Variants in SMARCC1 observed in about 807,000 individuals in gnomAD.
The protein encoded by SMARCC1 is SWI/SNF complex subunit SMARCC1.
A neutral mutation model predicts 147.4 loss-of-function variants in SMARCC1; 43 were observed. The observed-to-expected ratio is 0.29, with a 90% CI of 0.23 to 0.38. The LOEUF (loss-of-function observed/expected upper bound fraction) is 0.38, where lower values mean the gene tolerates loss of function less well. Ranked by LOEUF, SMARCC1 falls within the 10% of genes least tolerant of loss-of-function variation. The pLI is 1.00. For missense variants in SMARCC1, 1,119 were observed against 1,381.1 expected (o/e 0.81, Z 3.01); for synonymous variants, 495 against 484.4 (o/e 1.02, Z -0.29).
intron 24 of SMARCC1, among the ~76,000 whole-genome samples, chr3:47,628,985 T>C (rs1317870527): frequency 1.3e-5 from 2 of 152,074 alleles, no homozygotes; most frequent in Admixed American, 6.6e-5. Flanking sequence ...AATTTTTTAA[T>C]GGAAAAGGAA....
Position 47,635,844 on chromosome 3 carries a change from T to C in SMARCC1, c.2491+178A>G, listed in dbSNP as rs547261650. On this transcript the variant is annotated intron_variant, in intron 23 of 27. Coordinates refer to ENST00000254480, the MANE Select transcript of SMARCC1 (RefSeq NM_003074.4). ...TACATATTAAAAGCACAGAAAAAAG[T>C]GTAGCCACCAGCATTAGTATTAGCA... Among the ~76,000 whole-genome samples the C allele has an allele frequency of 4.0e-4, 61 of 152,334 alleles. 1 individual carries two copies. The Middle Eastern group carries it at 0.017, about 42-fold the overall frequency.
chr3:47,771,975 G>A lies in SMARCC1; in HGVS notation c.315+842C>T, dbSNP rs772706592. On this transcript the variant is annotated intron_variant, in intron 2 of 27. Transcript: ENST00000254480. ...CGCGCACCTGTAATCCTAGCTATTC[G>A]GGAGTCTTGAGGCACAAGAATCGCT... is the stretch of plus-strand genomic sequence containing the variant. Among the ~76,000 whole-genome samples the A allele has an allele frequency of 8.7e-4, 131 of 150,906 alleles. 3 individuals carry two copies. Among genetic ancestry groups the A allele is most frequent in the Admixed American group, 5.3e-4 (8 of 15,076 alleles).
intron 21 of SMARCC1, among the ~76,000 whole-genome samples, chr3:47,645,867 A>G (rs1232683049): frequency 6.6e-6 from 1 of 152,234 alleles, no homozygotes; most frequent in Non-Finnish European, 1.5e-5. Flanking sequence ...AAGTTACATA[A>G]TATTAATATC....
chr3:47,718,138 CAAAAA>C (rs71070217), intron 7 of SMARCC1, among the ~76,000 whole-genome samples: 1 of 53,676 alleles, frequency 1.9e-5, no homozygotes, highest in African/African-American at 8.0e-5. Context: ...GACCTTGTCT[CAAAAA>C]AAAAAAAAAA....
At chr3:47,712,782 A>G (rs1027313472) in intron 8 of SMARCC1, among the ~76,000 whole-genome samples, 2 of 152,156 alleles carry the variant, frequency 1.3e-5, no homozygotes, top group African/African-American at 4.8e-5. Context: ...TCAAAATAAT[A>G]CAAAAGTCCA....
intron 9 of SMARCC1, among the ~76,000 whole-genome samples, chr3:47,708,850 G>C (rs560059046): frequency 1.3e-4 from 20 of 152,028 alleles, no homozygotes; most frequent in Admixed American, 2.6e-4. Flanking sequence ...ACATTGCCCA[G>C]GCTGGTCTCA....
chr3:47,701,706 C>T lies in SMARCC1; in HGVS notation c.1041-304G>A. 2 of 295,830 alleles carry T rather than the reference C, an allele frequency of 6.8e-6. 1 individual carries two copies. The highest frequency in any genetic ancestry group is 7.0e-5 in the South Asian group (2 of 28,380). The allele number at this position is 295,830 out of a possible 1,614,324, so 18.3% of individuals were successfully genotyped here. On this transcript the variant is annotated intron_variant, in intron 10 of 27. Coordinates refer to ENST00000254480, the MANE Select transcript of SMARCC1 (RefSeq NM_003074.4). ...GCAGGCGCCTGTAATCCCATCTGCT[C>T]AGCAGACTGAGGTAGGAGAATCGCT...
intron 11 of SMARCC1, among the ~76,000 whole-genome samples, chr3:47,696,087 G>C (rs1045837308): frequency 7.6e-5 from 11 of 144,086 alleles, no homozygotes; most frequent in Admixed American, 4.8e-4. Flanking sequence ...AGGGGGGGGG[G>C]GGGCCAGGCG....
intron 7 of SMARCC1, among the ~76,000 whole-genome samples, chr3:47,719,013 T>C (rs1031396563): frequency 7.9e-5 from 12 of 152,078 alleles, no homozygotes; most frequent in East Asian, 3.9e-4. Context: ...CCGGGGTTCA[T>C]GCCATTCTCC....
chr3:47,600,495 C>T (rs2032365408), intron 26 of SMARCC1, among the ~76,000 whole-genome samples: 1 of 152,092 alleles, frequency 6.6e-6, no homozygotes, highest in African/African-American at 2.4e-5. Context: ...TGGTAAGGGC[C>T]TAGTTTTGAG....
chr3:47,755,286 AG>A (rs1490827801), intron 2 of SMARCC1, among the ~76,000 whole-genome samples: 1 of 151,356 alleles, frequency 6.6e-6, no homozygotes, highest in Non-Finnish European at 1.5e-5. Flanking sequence ...GCTGATCATG[AG>A]GTTAGGAGAT....
intron 24 of SMARCC1, among the ~76,000 whole-genome samples, chr3:47,631,144 A>G (rs1043065653): frequency 1.3e-5 from 2 of 152,132 alleles, no homozygotes; most frequent in Non-Finnish European, 2.9e-5. Context: ...TGAATGAAAG[A>G]GAAAGAGAGA....
chr3:47,756,193 G>A (rs1006300110), intron 2 of SMARCC1, among the ~76,000 whole-genome samples: 10 of 149,314 alleles, frequency 6.7e-5, no homozygotes, highest in East Asian at 6.1e-4. Context: ...AAATAATAAA[G>A]CTTCTTGAAG....
intron 18 of SMARCC1, among the ~76,000 whole-genome samples, chr3:47,671,016 C>A (rs1201074632): frequency 6.6e-6 from 1 of 151,532 alleles, no homozygotes; most frequent in African/African-American, 2.4e-5. Flanking sequence ...GAAACCCCAT[C>A]TCTACTAAAA....
chr3:47,688,635 C>T (rs2033758094), intron 13 of SMARCC1, among the ~76,000 whole-genome samples: 1 of 152,150 alleles, frequency 6.6e-6, no homozygotes, highest in Admixed American at 6.5e-5. Context: ...GGTATCGCTA[C>T]AGCAGAATTC....
chr3:47,604,699 C>CTTTT (rs58702136), intron 26 of SMARCC1: 60 of 116,078 alleles, frequency 5.2e-4, no homozygotes, highest in South Asian at 8.0e-4. Flanking sequence ...TACTGTTGTT[C>CTTTT]TTTTTTTTTT....
intron 4 of SMARCC1, among the ~76,000 whole-genome samples, chr3:47,736,861 A>G (rs1293060242): frequency 8.5e-5 from 13 of 152,166 alleles, no homozygotes; most frequent in Admixed American, 7.9e-4. Flanking sequence ...GTTAACAATA[A>G]TATCTAACTG....
chr3:47,690,906 G>GT (rs1292017517), intron 12 of SMARCC1, among the ~76,000 whole-genome samples: 1 of 152,196 alleles, frequency 6.6e-6, no homozygotes, highest in Non-Finnish European at 1.5e-5. Flanking sequence ...TATGTAGGAA[G>GT]TAACTAACAG....
chr3:47,585,274 A>T lies in SMARCC1; in HGVS notation c.*2935T>A, dbSNP rs2032054022. 1 of 152,222 alleles carries T rather than the reference A, an allele frequency of 6.6e-6. No homozygotes were observed. Among genetic ancestry groups the T allele is most frequent in the Non-Finnish European group, 1.5e-5 (1 of 68,036 alleles). The allele number at this position is 152,222 out of a possible 1,614,324, so 9.4% of individuals were successfully genotyped here. On this transcript the variant is annotated 3_prime_UTR_variant, in exon 28 of 28. Coordinates refer to ENST00000254480, the MANE Select transcript of SMARCC1 (RefSeq NM_003074.4). ...AAAAATAATTCACACACAAGTTTAT[A>T]AACCAGTCTTTAGTTTCGATAAAGG...
Sources: gnomAD v4.1 joint callset for allele counts (sites outside exome capture counted in the v4.1 genomes callset) on GRCh38, gnomAD v4.1.1 for gene constraint, MANE v1.5 for transcripts, NCBI Gene and HGNC (gene_info 2026-07-23, HGNC 2026-07-21) for gene names.